Variants in SASH1 observed in about 807,000 individuals in gnomAD.
SASH1 encodes SAM and SH3 domain containing 1.
In SASH1, 44 loss-of-function variants were observed where a neutral mutation model predicts 125.2. The observed-to-expected ratio is 0.35, with a 90% CI of 0.28 to 0.45. SASH1 has a LOEUF of 0.45. SASH1 is among the 20% of genes least tolerant of loss of function. The pLI, the probability that SASH1 is intolerant of heterozygous loss-of-function variation, is 1.00. For synonymous variants in SASH1, 639 were observed against 649.1 expected (o/e 0.98, Z 0.24); for missense variants, 1,426 against 1,614.5 (o/e 0.88, Z 2.00).
chr6:148,203,388 C>T, the SASH1 span, among the ~76,000 whole-genome samples: 1 of 152,202 alleles, frequency 6.6e-6, no homozygotes, highest in Non-Finnish European at 1.5e-5. Flanking sequence ...TTCTCTCCCT[C>T]CCTTCCTTTC....
chr6:148,537,455 A>ACTGT (rs772447379), intron 16 of SASH1, among the ~76,000 whole-genome samples: 10 of 152,362 alleles, frequency 6.6e-5, no homozygotes, highest in Non-Finnish European at 1.2e-4. Context: ...TCTAAAGTTT[A>ACTGT]CTGTCTTAGC....
chr6:148,366,883 A>G (rs573543216), intron 1 of SASH1, among the ~76,000 whole-genome samples: 4 of 148,950 alleles, frequency 2.7e-5, no homozygotes, highest in African/African-American at 9.9e-5. Flanking sequence ...GCATAAGCCA[A>G]GGATTCCATT....
intron 5 of SASH1, among the ~76,000 whole-genome samples, chr6:148,469,318 A>G (rs1247941290): frequency 6.6e-6 from 1 of 152,254 alleles, no homozygotes; most frequent in East Asian, 1.9e-4. Flanking sequence ...GCCATTAGAT[A>G]GCTAAGTGCC....
intron 9 of SASH1, among the ~76,000 whole-genome samples, chr6:148,518,350 C>T (rs1780562910): frequency 6.6e-6 from 1 of 152,096 alleles, no homozygotes; most frequent in Admixed American, 6.5e-5. Context: ...GTAAAGTTGA[C>T]CTTGGGTTGT....
intron 2 of SASH1, among the ~76,000 whole-genome samples, chr6:148,392,443 GTT>G (rs1783769410): frequency 6.6e-6 from 1 of 152,064 alleles, no homozygotes; most frequent in African/African-American, 2.4e-5. Context: ...TAATTCTTTT[GTT>G]AATAATTATT....
At chr6:148,491,948 T>C (rs1161616264) in intron 8 of SASH1, among the ~76,000 whole-genome samples, 1 of 152,154 alleles carries the variant, frequency 6.6e-6, no homozygotes, top group African/African-American at 2.4e-5. Flanking sequence ...AAGTCTAACA[T>C]AATATAGATG....
At chr6:148,381,042 C>T (rs1783110571) in intron 1 of SASH1, among the ~76,000 whole-genome samples, 1 of 152,140 alleles carries the variant, frequency 6.6e-6, no homozygotes, top group South Asian at 2.1e-4. Flanking sequence ...AGGGCATAAA[C>T]ACAGGCGAAT....
chr6:148,330,208 T>G (rs1780950698), intron 1 of SASH1, among the ~76,000 whole-genome samples: 1 of 152,230 alleles, frequency 6.6e-6, no homozygotes, highest in Non-Finnish European at 1.5e-5. Flanking sequence ...GTGGTGTTGT[T>G]GTTCACCCAA....
At chr6:148,441,152 A>G (rs1350461070) in intron 4 of SASH1, among the ~76,000 whole-genome samples, 2 of 152,220 alleles carry the variant, frequency 1.3e-5, no homozygotes, top group African/African-American at 2.4e-5. Context: ...CTCTAAACAG[A>G]CGCTTCCTTT....
At chr6:148,427,825 A>G (rs1775892245) in intron 2 of SASH1, among the ~76,000 whole-genome samples, 1 of 152,184 alleles carries the variant, frequency 6.6e-6, no homozygotes, top group Non-Finnish European at 1.5e-5. Context: ...GTCTCCTCTG[A>G]ATGGGTACGG....
At chr6:148,320,370 C>T (rs914693082) in intron 1 of SASH1, among the ~76,000 whole-genome samples, 2 of 152,220 alleles carry the variant, frequency 1.3e-5, no homozygotes, top group Admixed American at 6.5e-5. Context: ...ATAGCGGCAC[C>T]GCTTCTGGCT....
chr6:148,322,953 C>T (rs1170316095), intron 1 of SASH1, among the ~76,000 whole-genome samples: 4 of 126,214 alleles, frequency 3.2e-5, no homozygotes, highest in Non-Finnish European at 5.1e-5. Context: ...CTTCCTTCCT[C>T]CCTCCCTCCC....
Position 148,509,413 on chromosome 6 carries a change from G to A in SASH1, c.730-4911G>A, listed in dbSNP as rs542244082. On this transcript the variant is annotated intron_variant, in intron 8 of 19. Transcript: ENST00000367467. Reference sequence around the variant, plus strand: ...CTCGGTGTTACGTGGCGCTGGGGGAGATGAGTGGGCTTAGTCTGGGTGTTA... The same window carrying A: ...CTCGGTGTTACGTGGCGCTGGGGGAAATGAGTGGGCTTAGTCTGGGTGTTA... 17 of 158,794 alleles carry A rather than the reference G, an allele frequency of 1.1e-4. No homozygotes were observed. The East Asian group carries it at 1.5e-3, about 14-fold the overall frequency. The allele number at this position is 158,794 out of a possible 1,614,324, so 9.8% of individuals were successfully genotyped here. A position where few individuals can be genotyped will look rare whatever the true frequency, so the allele number is the denominator to read the frequency against.
chr6:148,523,075 G>T (rs1233535763), intron 10 of SASH1, among the ~76,000 whole-genome samples: 4 of 152,216 alleles, frequency 2.6e-5, no homozygotes, highest in African/African-American at 9.7e-5. Context: ...CAATAGGCAT[G>T]TGAAAACTTA....
intron 11 of SASH1, among the ~76,000 whole-genome samples, 190 bp downstream of exon 11, chr6:148,525,555 C>T (rs1781095612): frequency 6.6e-6 from 1 of 152,190 alleles, no homozygotes; most frequent in South Asian, 2.1e-4. Context: ...GAATGATGAC[C>T]ACTCTCACTG....
In SASH1 at chr6:148,514,373, G is replaced by A; in HGVS notation, c.779G>A (p.Arg260Lys). The A allele has an allele frequency of 1.3e-6, 2 of 1,586,848 alleles. No homozygotes were observed. The change falls in exon 9 of 20, where the codon AGG becomes AAG. Residue 260 changes from arginine (R) to lysine (K), a missense_variant. This residue lies in a region of SASH1 where 567 missense variants were observed against 575.6 expected (regional missense o/e 0.99). Coordinates refer to ENST00000367467, the MANE Select transcript of SASH1 (RefSeq NM_015278.5). ...DETEESVKFK[R>K]LHKLVNSTRR... Reference sequence around the variant, plus strand: ...ACTGAGGAGTCGGTGAAGTTTAAGAGGTTACACAAGCTGGTAAACTCCACT... The same window carrying A: ...ACTGAGGAGTCGGTGAAGTTTAAGAAGTTACACAAGCTGGTAAACTCCACT...
intron 1 of SASH1, among the ~76,000 whole-genome samples, chr6:148,322,387 A>T (rs1413357676): frequency 1.3e-5 from 2 of 151,938 alleles, no homozygotes; most frequent in African/African-American, 4.8e-5. Context: ...ATAAAAAGAA[A>T]CCTTCCATCT....
chr6:148,289,864 T>C (rs1483608730), intron 1 of SASH1, among the ~76,000 whole-genome samples: 2 of 81,872 alleles, frequency 2.4e-5, no homozygotes, highest in Non-Finnish European at 5.5e-5. Flanking sequence ...TGGTTGTGTT[T>C]TTTTTTTTTT....
chr6:148,260,071 A>C, the SASH1 span, among the ~76,000 whole-genome samples: 1 of 152,172 alleles, frequency 6.6e-6, no homozygotes, highest in African/African-American at 2.4e-5. Context: ...TTTTTAAATG[A>C]TTCTTACCCA....
Sources: gnomAD v4.1 joint callset for allele counts (sites outside exome capture counted in the v4.1 genomes callset) on GRCh38, gnomAD v4.1.1 for gene constraint, gnomAD v4.1.1 regional missense constraint, MANE v1.5 for transcripts, NCBI Gene and HGNC (gene_info 2026-07-23, HGNC 2026-07-21) for gene names.